Variants in RCAN1 observed in about 807,000 individuals in gnomAD.
The protein encoded by RCAN1 is calcipressin-1.
A neutral mutation model predicts 22.9 loss-of-function variants in RCAN1; 11 were observed. The observed-to-expected ratio is 0.48, with a 90% CI of 0.30 to 0.79. RCAN1 has a LOEUF of 0.79. Ranked by LOEUF, RCAN1 falls within the 30% of genes least tolerant of loss-of-function variation. The probability of loss-of-function intolerance (pLI) is 0.06; values close to 1 mark genes in which losing one functional copy is unlikely to be tolerated. For synonymous variants in RCAN1, 136 were observed against 142.3 expected (o/e 0.96, Z 0.32); for missense variants, 291 against 337.8 (o/e 0.86, Z 1.09).
At chr21:34,538,452 C>T (rs1023885709) in intron 1 of RCAN1, among the ~76,000 whole-genome samples, 1 of 150,920 alleles carries the variant, frequency 6.6e-6, no homozygotes, top group Non-Finnish European at 1.5e-5. Flanking sequence ...TTATGTGGCA[C>T]ATACTGTGAT....
chr21:34,519,827 T>C (rs1218117739), intron 3 of RCAN1, among the ~76,000 whole-genome samples: 1 of 152,150 alleles, frequency 6.6e-6, no homozygotes, highest in African/African-American at 2.4e-5. Context: ...CCTCTAAACC[T>C]GGAAGGTACT....
intron 1 of RCAN1, among the ~76,000 whole-genome samples, chr21:34,584,957 A>G (rs1452859197): frequency 6.6e-6 from 1 of 152,246 alleles, no homozygotes; most frequent in East Asian, 1.9e-4. Flanking sequence ...TTTGCTATGC[A>G]TTTAATGGAT....
intron 1 of RCAN1, among the ~76,000 whole-genome samples, chr21:34,579,207 C>A (rs116089163): frequency 0.027 from 4,172 of 152,124 alleles, 165 homozygotes; most frequent in South Asian, 0.11. Context: ...CCAACCTGGG[C>A]AACATGGCAA....
rs1264634855 is a variant in RCAN1, at chr21:34,561,817, CA to C, written c.253-38108del. Among the ~76,000 whole-genome samples, 10 of 152,228 alleles carry C rather than the reference CA, an allele frequency of 6.6e-5. No individual in the cohort carries two copies. In the East Asian group the frequency reaches 1.7e-3, roughly 26 times the overall value. Reference sequence around the variant, plus strand: ...ATTCCGTCAATATTGGCCCGACGTTCAGGGCCACGGTGGTCCCACAGCTGAG... The same window carrying C: ...ATTCCGTCAATATTGGCCCGACGTTCGGGCCACGGTGGTCCCACAGCTGAG... On this transcript the variant is annotated intron_variant, in intron 1 of 3. Coordinates refer to ENST00000313806, the MANE Select transcript of RCAN1 (RefSeq NM_004414.7).
At chr21:34,533,039 CA>C (rs1985489782) in intron 1 of RCAN1, among the ~76,000 whole-genome samples, 2 of 151,322 alleles carry the variant, frequency 1.3e-5, no homozygotes, top group South Asian at 4.2e-4. Flanking sequence ...CGGCTCACTG[CA>C]AGCTCCGCCT....
At chr21:34,582,468 T>G (rs1987648195) in intron 1 of RCAN1, among the ~76,000 whole-genome samples, 1 of 151,408 alleles carries the variant, frequency 6.6e-6, no homozygotes, top group South Asian at 2.1e-4. Flanking sequence ...AGTGAGGGAG[T>G]AAGCCATGTG....
intron 1 of RCAN1, among the ~76,000 whole-genome samples, chr21:34,597,087 C>T (rs1243404294): frequency 6.6e-6 from 1 of 152,126 alleles, no homozygotes. Context: ...TCTCTGGGCA[C>T]AATGAGTGGC....
At chr21:34,526,634 A>G in intron 1 of RCAN1, 3 of 1,602,772 alleles carry the variant, frequency 1.9e-6, no homozygotes, top group Non-Finnish European at 2.6e-6. Flanking sequence ...TGAAAACTAA[A>G]GAAAATCACG....
At chr21:34,555,899 G>A (rs956707396) in intron 1 of RCAN1, among the ~76,000 whole-genome samples, 4 of 151,004 alleles carry the variant, frequency 2.6e-5, no homozygotes, top group African/African-American at 4.9e-5. Context: ...CTGTCTCTAC[G>A]AAAAATACAA....
intron 1 of RCAN1, among the ~76,000 whole-genome samples, chr21:34,609,097 CCAA>C (rs1470657364): frequency 1.3e-5 from 2 of 152,198 alleles, no homozygotes; most frequent in African/African-American, 4.8e-5. Context: ...AACCCTTTCC[CCAA>C]CGTCAAAGTT....
chr21:34,560,419 G>A (rs576077386), intron 1 of RCAN1, among the ~76,000 whole-genome samples: 44 of 152,192 alleles, frequency 2.9e-4, no homozygotes, highest in African/African-American at 5.8e-4. Context: ...CATCTTTTAC[G>A]CTTAGAACAA....
At chr21:34,612,513 G>A (rs530550868) in intron 1 of RCAN1, among the ~76,000 whole-genome samples, 30 of 152,292 alleles carry the variant, frequency 2.0e-4, no homozygotes, top group African/African-American at 6.7e-4. Context: ...ACTCCTCTGT[G>A]TAAGTCCCCT....
At chr21:34,539,615 A>G (rs28661890) in intron 1 of RCAN1, among the ~76,000 whole-genome samples, 1 of 152,228 alleles carries the variant, frequency 6.6e-6, no homozygotes, top group Non-Finnish European at 1.5e-5. Flanking sequence ...TCAATGGTCA[A>G]GGTAACCGTG....
chr21:34,538,048 T>C (rs1185904641), intron 1 of RCAN1, among the ~76,000 whole-genome samples: 1 of 152,218 alleles, frequency 6.6e-6, no homozygotes, highest in Non-Finnish European at 1.5e-5. Context: ...TAAGAAATGA[T>C]TGGGCCATGT....
intron 1 of RCAN1, among the ~76,000 whole-genome samples, chr21:34,556,381 G>A (rs1337832273): frequency 4.0e-5 from 6 of 150,380 alleles, no homozygotes; most frequent in African/African-American, 7.3e-5. Flanking sequence ...AGCTGAGATC[G>A]TGCCACTGCA....
chr21:34,593,907 G>A lies in RCAN1; in HGVS notation c.252+20853C>T, dbSNP rs142401654. On this transcript the variant is annotated intron_variant, in intron 1 of 3. Transcript: ENST00000313806. ...GACAGACTTAGAAATTCTATAATAC[G>A]TGTAAGAAAAAAATCGTTAGTTTCC... 2.5e-3 allele frequency among the ~76,000 whole-genome samples: 387 copies of A among 152,232 alleles called. 3 individuals carry two copies. The highest frequency in any genetic ancestry group is 8.5e-3 in the African/African-American group (353 of 41,532).
intron 1 of RCAN1, among the ~76,000 whole-genome samples, chr21:34,555,920 G>A (rs967757103): frequency 1.6e-4 from 25 of 151,606 alleles, no homozygotes; most frequent in Admixed American, 7.2e-4. Context: ...AAAATTAGCC[G>A]GGCATGGTGG....
chr21:34,578,412 G>C (rs149665691), intron 1 of RCAN1, among the ~76,000 whole-genome samples: 3 of 152,292 alleles, frequency 2.0e-5, no homozygotes, highest in African/African-American at 4.8e-5. Context: ...GCAGCCATCA[G>C]CCAGCATCAG....
chr21:34,550,781 T>C (rs1986334715), intron 1 of RCAN1, among the ~76,000 whole-genome samples: 1 of 152,214 alleles, frequency 6.6e-6, no homozygotes, highest in Non-Finnish European at 1.5e-5. Context: ...GTCTCTACAG[T>C]TGGCTTTAAT....
Sources: allele counts gnomAD v4.1 joint callset (sites outside exome capture counted in the v4.1 genomes callset), GRCh38; gene constraint gnomAD v4.1.1; transcripts MANE v1.5; gene names NCBI Gene and HGNC (gene_info 2026-07-23, HGNC 2026-07-21).